Variants in MAP4 observed in about 807,000 individuals in gnomAD.
The protein encoded by MAP4 is microtubule associated protein 4, also known as microtubule-associated protein 4.
MAP4 carries 76 observed loss-of-function variants against 170.2 expected under a neutral mutation model. The observed-to-expected ratio is 0.45, with a 90% CI of 0.37 to 0.54. The LOEUF is 0.54. MAP4 is among the 20% of genes least tolerant of loss of function. MAP4 has a pLI of 0.00. For missense variants in MAP4, 2,506 were observed against 2,748.0 expected, an observed-to-expected ratio of 0.91 and a Z score of 1.97; for synonymous variants, 909 against 994.5, an observed-to-expected ratio of 0.91 and a Z score of 1.62.
intron 2 of MAP4, among the ~76,000 whole-genome samples, chr3:47,983,486 A>G (rs2100086637): frequency 6.6e-6 from 1 of 152,132 alleles, no homozygotes; most frequent in African/African-American, 2.4e-5. Flanking sequence ...TCCCAGGTTC[A>G]AGCGATTCTC....
intron 1 of MAP4, among the ~76,000 whole-genome samples, chr3:48,038,495 C>G (rs2100119985): frequency 7.3e-6 from 1 of 136,206 alleles, no homozygotes; most frequent in African/African-American, 2.7e-5. Context: ...GAGTCCCACT[C>G]TGTTGCCCAG....
At chr3:48,046,316 CAGA>C in intron 1 of MAP4, among the ~76,000 whole-genome samples, 1 of 152,164 alleles carries the variant, frequency 6.6e-6, no homozygotes, top group Non-Finnish European at 1.5e-5. Flanking sequence ...TATGTAGTGA[CAGA>C]AGAGCTGGCA....
intron 15 of MAP4, 101 bp from the exon 16 acceptor site, chr3:47,869,428 C>A: frequency 2.6e-6 from 2 of 772,198 alleles, no homozygotes; most frequent in South Asian, 1.5e-5. Flanking sequence ...CCAGGTCAGG[C>A]CACCAGGCAA....
Position 47,965,835 on chromosome 3 carries a change from T to C in MAP4, c.292+12030A>G, listed in dbSNP as rs367881670. Reference sequence around the variant, plus strand: ...TTTGCAAATATTTTGCCTCCATGGGTTGCCTTTTCACTCTACAGAGATAGA... The same window carrying C: ...TTTGCAAATATTTTGCCTCCATGGGCTGCCTTTTCACTCTACAGAGATAGA... On this transcript the variant is annotated intron_variant, in intron 3 of 20. Transcript: ENST00000683076. Among the ~76,000 whole-genome samples, 6 of 152,324 alleles carry C rather than the reference T, an allele frequency of 3.9e-5. 1 individual carries two copies. The highest frequency in any genetic ancestry group is 1.4e-4 in the African/African-American group (6 of 41,588).
chr3:47,950,697 G>A (rs1462962914), intron 3 of MAP4, among the ~76,000 whole-genome samples: 1 of 152,166 alleles, frequency 6.6e-6, no homozygotes, highest in African/African-American at 2.4e-5. Flanking sequence ...AGCTTTTCAA[G>A]TAGATGAGAT....
At chr3:48,010,138 A>C (rs1333275805) in intron 1 of MAP4, among the ~76,000 whole-genome samples, 4 of 152,226 alleles carry the variant, frequency 2.6e-5, no homozygotes, top group Non-Finnish European at 5.9e-5. Context: ...TCCAGGCAGG[A>C]CTACAAATGA....
At chr3:47,866,335 CAAAACA>C (rs1263295743) in intron 17 of MAP4, among the ~76,000 whole-genome samples, 2 of 145,048 alleles carry the variant, frequency 1.4e-5, no homozygotes, top group Non-Finnish European at 3.0e-5. Context: ...AACTCTGTAT[CAAAACA>C]AAAACAAAAC....
intron 12 of MAP4, among the ~76,000 whole-genome samples, chr3:47,875,356 C>G (rs1038839240): frequency 1.3e-5 from 2 of 152,164 alleles, no homozygotes; most frequent in East Asian, 3.9e-4. Flanking sequence ...GAGGAAGAAC[C>G]TAAGTAGATA....
At chr3:48,067,743 G>A (rs1368232953) in intron 1 of MAP4, among the ~76,000 whole-genome samples, 5 of 151,010 alleles carry the variant, frequency 3.3e-5, no homozygotes, top group African/African-American at 1.2e-4. Context: ...GGGTTCAAGC[G>A]ATTCTCCTGC....
At chr3:47,906,883 T>TG (rs2100033398) in intron 9 of MAP4, among the ~76,000 whole-genome samples, 1 of 151,364 alleles carries the variant, frequency 6.6e-6, no homozygotes. Context: ...TGGCCCAGGC[T>TG]GGGGTGCAGT....
chr3:48,005,613 C>G (rs1007897941), intron 1 of MAP4, among the ~76,000 whole-genome samples: 1 of 152,112 alleles, frequency 6.6e-6, no homozygotes, highest in South Asian at 2.1e-4. Flanking sequence ...TGTGAGGGAG[C>G]TGGAAATGCC....
At chr3:48,003,459 A>AG (rs2100100474) in intron 1 of MAP4, among the ~76,000 whole-genome samples, 2 of 151,422 alleles carry the variant, frequency 1.3e-5, no homozygotes, top group Admixed American at 1.3e-4. Context: ...TTCTCAAAAA[A>AG]AAAAAAAAAA....
chr3:47,959,676 G>A (rs55773376), intron 3 of MAP4, among the ~76,000 whole-genome samples: 17 of 148,382 alleles, frequency 1.1e-4, no homozygotes, highest in East Asian at 4.2e-4. Flanking sequence ...GGAGCATGGC[G>A]TGAACCCGGG....
rs200830690 is a variant in MAP4, at chr3:47,909,795, C to T, written c.4626G>A (p.Gly1542=). 8.7e-6 allele frequency: 14 copies of T among 1,613,916 alleles called. No individual in the cohort carries two copies. The highest frequency in any genetic ancestry group is 1.2e-5 in the Non-Finnish European group (14 of 1,179,896). ...ELADSMKNEA[G]IDEGHVIGES... ...CTCCTATCACATGCCCTTCATCGAT[C>T]CCTGCTTCATTTTTCATGGAATCAG... Residue 1542 remains glycine (G), a synonymous_variant, in exon 9 of 21, where the codon GGG becomes GGA. Coordinates refer to ENST00000683076, the MANE Select transcript of MAP4 (RefSeq NM_001385682.1).
chr3:47,949,302 C>T (rs1388843877), intron 3 of MAP4, among the ~76,000 whole-genome samples: 1 of 151,826 alleles, frequency 6.6e-6, no homozygotes, highest in Admixed American at 6.6e-5. Flanking sequence ...CCCGTCTCTA[C>T]TAAGAATACA....
At chr3:47,931,143 G>C (rs753753302) in intron 3 of MAP4, among the ~76,000 whole-genome samples, 20 of 152,000 alleles carry the variant, frequency 1.3e-4, no homozygotes, top group Non-Finnish European at 2.2e-4. Flanking sequence ...GGGAAGCTGA[G>C]GCAAGAAGGT....
intron 17 of MAP4, among the ~76,000 whole-genome samples, chr3:47,865,695 G>A (rs1037255382): frequency 2.6e-5 from 4 of 152,208 alleles, no homozygotes; most frequent in African/African-American, 4.8e-5. Flanking sequence ...AGGACAGTAA[G>A]GAGAAAGAAC....
In MAP4 at chr3:47,911,343, T is replaced by C; in HGVS notation, c.3078A>G (p.Gln1026=). 1.3e-6 allele frequency: 2 copies of C among 1,536,048 alleles called. No homozygotes were observed. Among genetic ancestry groups the C allele is most frequent in the Non-Finnish European group, 1.7e-6 (2 of 1,146,868 alleles). Residue 1026 remains glutamine, a synonymous_variant, in exon 9 of 21, where the codon CAA becomes CAG. Coordinates refer to ENST00000683076, the MANE Select transcript of MAP4 (RefSeq NM_001385682.1). This position sits in a 1 kb window ranked among gnomAD's most constrained non-coding sequence, Gnocchi z 4.0. ...GCTCAGAAGTAAAGATGCTGATCTCTTGTCTTTCGTTGGGAAAAGCTTCCT... is the reference window on the plus strand; with the variant it reads ...GCTCAGAAGTAAAGATGCTGATCTCCTGTCTTTCGTTGGGAAAAGCTTCCT... ...LKKEAFPNER[Q]EISIFTSEQL... is the part of the protein sequence containing the mutation.
intron 17 of MAP4, among the ~76,000 whole-genome samples, chr3:47,859,362 T>C (rs899243871): frequency 2.0e-5 from 3 of 152,198 alleles, no homozygotes; most frequent in African/African-American, 7.2e-5. Flanking sequence ...TTCTTTGGTG[T>C]CAGGAAATAT....
Sources: gnomAD v4.1 joint callset for allele counts (sites outside exome capture counted in the v4.1 genomes callset) on GRCh38, gnomAD v4.1.1 for gene constraint, Gnocchi (gnomAD v3.1) non-coding constraint, MANE v1.5 for transcripts, NCBI Gene and HGNC (gene_info 2026-07-23, HGNC 2026-07-21) for gene names.